Variants in SOX5 observed in about 807,000 individuals in gnomAD.
The protein encoded by SOX5 is SRY-box transcription factor 5.
SOX5 carries 9 observed loss-of-function variants against 92.0 expected under a neutral mutation model. That is an observed-to-expected ratio of 0.10 (90% CI 0.06 to 0.17). The LOEUF (loss-of-function observed/expected upper bound fraction) is 0.17. SOX5 is among the 10% of genes least tolerant of loss of function. The pLI is 1.00. For missense variants in SOX5, 642 were observed against 944.5 expected, an observed-to-expected ratio of 0.68 and a Z score of 4.20; for synonymous variants, 344 against 336.3, an observed-to-expected ratio of 1.02 and a Z score of -0.25.
chr12:24,267,919 T>G (rs1437630158), intron 3 of SOX5, among the ~76,000 whole-genome samples: 1 of 152,176 alleles, frequency 6.6e-6, no homozygotes, highest in African/African-American at 2.4e-5. Flanking sequence ...TTCTCACATA[T>G]TTTTAATCAA....
chr12:24,107,977 A>C (rs1946876031), intron 4 of SOX5, among the ~76,000 whole-genome samples: 1 of 152,216 alleles, frequency 6.6e-6, no homozygotes, highest in Admixed American at 6.5e-5. Flanking sequence ...AGCTTCAAAT[A>C]AAGTTTTAAA....
At chr12:24,198,852 G>T (rs1957255981) in intron 4 of SOX5, among the ~76,000 whole-genome samples, 1 of 151,616 alleles carries the variant, frequency 6.6e-6, no homozygotes, top group Non-Finnish European at 1.5e-5. Context: ...CAGAGGTTTG[G>T]GTGGGATAGA....
intron 4 of SOX5, among the ~76,000 whole-genome samples, chr12:24,158,358 T>A (rs1424571255): frequency 1.3e-5 from 2 of 152,030 alleles, no homozygotes; most frequent in East Asian, 3.9e-4. Context: ...GGAAATATTT[T>A]ACAAAATAAA....
chr12:24,249,041 T>C (rs948451061), intron 3 of SOX5, among the ~76,000 whole-genome samples: 1 of 152,232 alleles, frequency 6.6e-6, no homozygotes, highest in Non-Finnish European at 1.5e-5. Context: ...GATATATCGA[T>C]ACATCATGCC....
intron 4 of SOX5, among the ~76,000 whole-genome samples, chr12:24,071,894 C>A (rs574506187): frequency 1.3e-4 from 20 of 152,122 alleles, no homozygotes; most frequent in Non-Finnish European, 2.4e-4. Context: ...ATAGCATCTG[C>A]AGAAACAAAA....
At chr12:23,882,164 T>A (rs1371457889) in intron 2 of SOX5, among the ~76,000 whole-genome samples, 1 of 152,172 alleles carries the variant, frequency 6.6e-6, no homozygotes, top group Non-Finnish European at 1.5e-5. Flanking sequence ...AAAATCCACA[T>A]GTATTGTGGC....
chr12:23,567,363 T>C (rs2136444508), intron 10 of SOX5, among the ~76,000 whole-genome samples: 1 of 152,184 alleles, frequency 6.6e-6, no homozygotes, highest in South Asian at 2.1e-4. Context: ...AACTTCCAGT[T>C]AACATCTCAA....
chr12:23,881,747 G>A (rs2096992844), intron 2 of SOX5, among the ~76,000 whole-genome samples: 1 of 152,072 alleles, frequency 6.6e-6, no homozygotes, highest in South Asian at 2.1e-4. Flanking sequence ...GGCATTTTAG[G>A]TAAGGACATT....
At position 24,506,277 on chromosome 12, in the gene SOX5, A is replaced by T. The variant is rs1427513545; in HGVS notation, c.-251+56052T>A. On this transcript the variant is annotated intron_variant, in intron 1 of 4. Coordinates refer to the SOX5 transcript ENST00000446891. ...AATGTCCCCTTTTAAAACATTTTCC[A>T]CTTTTAACTATTACAAATACATGAA... Among the ~76,000 whole-genome samples the T allele has an allele frequency of 2.6e-5, 4 of 152,118 alleles. 1 individual carries two copies.
intron 3 of SOX5, among the ~76,000 whole-genome samples, chr12:23,830,257 A>G (rs1467694798): frequency 1.3e-5 from 2 of 152,220 alleles, no homozygotes; most frequent in Admixed American, 6.5e-5. Flanking sequence ...TAAAAAATAA[A>G]CTCTTTTCTT....
chr12:24,055,633 T>C (rs1460507479), intron 4 of SOX5, among the ~76,000 whole-genome samples: 1 of 152,102 alleles, frequency 6.6e-6, no homozygotes, highest in Non-Finnish European at 1.5e-5. Context: ...CAAAGACTGA[T>C]AAAAATGAAA....
Position 24,115,952 on chromosome 12 carries a change from C to G in SOX5, c.-2+97391G>C, listed in dbSNP as rs375563750. The stretch of plus-strand genomic sequence containing the variant: ...AAAGCCAAAGAAAAGGATAGGGATG[C>G]TAATATCTTCCTGTAGGAGAATAGA... On this transcript the variant is annotated intron_variant, in intron 4 of 4. Transcript: ENST00000446891. Among the ~76,000 whole-genome samples, 35 of 151,972 alleles carry G rather than the reference C, an allele frequency of 2.3e-4. No individual in the cohort carries two copies. The East Asian group carries it at 6.6e-3, about 29-fold the overall frequency.
chr12:24,012,407 G>A (rs79665461), intron 4 of SOX5, among the ~76,000 whole-genome samples: 2,772 of 152,134 alleles, frequency 0.018, 101 homozygotes, highest in African/African-American at 0.063. Flanking sequence ...CATATGACAC[G>A]GAAGTCCTAC....
At chr12:23,910,521 C>T (rs977861737) in intron 1 of SOX5, among the ~76,000 whole-genome samples, 4 of 152,108 alleles carry the variant, frequency 2.6e-5, no homozygotes, top group Non-Finnish European at 5.9e-5. Flanking sequence ...AGCCTAATCC[C>T]CCAAAGATAG....
rs201455508 is a variant in SOX5, at chr12:23,533,909, T to TA, written c.*309dup. The TA allele has an allele frequency of 0.025, 4,946 of 194,440 alleles. 1 individual carries two copies. The highest frequency in any genetic ancestry group is 0.046 in the East Asian group (382 of 8,308). 12.0% of individuals were successfully genotyped at this position (194,440 alleles called of 1,614,324 possible). ...AGAACAAACAGCCATAAAGTTTATTTAAAAAAAAAAAAAAGTTGACGGGTA... is the reference window on the plus strand; with the variant it reads ...AGAACAAACAGCCATAAAGTTTATTTAAAAAAAAAAAAAAAGTTGACGGGTA... On this transcript the variant is annotated 3_prime_UTR_variant, in exon 15 of 15. Coordinates refer to ENST00000451604, the MANE Select transcript of SOX5 (RefSeq NM_006940.6).
intron 8 of SOX5, among the ~76,000 whole-genome samples, chr12:23,618,586 C>G (rs1340593286): frequency 6.6e-6 from 1 of 152,100 alleles, no homozygotes; most frequent in African/African-American, 2.4e-5. Flanking sequence ...GTACAAGAAC[C>G]ACGATTTTCT....
intron 2 of SOX5, among the ~76,000 whole-genome samples, chr12:23,893,375 G>A (rs1178824140): frequency 6.6e-6 from 1 of 152,068 alleles, no homozygotes; most frequent in Non-Finnish European, 1.5e-5. Context: ...AAACCTAGTA[G>A]GTGGAGGTTG....
intron 3 of SOX5, among the ~76,000 whole-genome samples, chr12:24,255,376 A>C (rs1384163606): frequency 6.6e-6 from 1 of 152,188 alleles, no homozygotes; most frequent in East Asian, 1.9e-4. Flanking sequence ...ATAATTGAGA[A>C]TGTAGGCTGA....
chr12:24,170,848 T>C (rs989466666), intron 4 of SOX5, among the ~76,000 whole-genome samples: 1 of 152,228 alleles, frequency 6.6e-6, no homozygotes, highest in African/African-American at 2.4e-5. Flanking sequence ...GCCAAGCCAC[T>C]GCTGCACCTA....
Sources: allele counts gnomAD v4.1 joint callset (sites outside exome capture counted in the v4.1 genomes callset), GRCh38; gene constraint gnomAD v4.1.1; transcripts MANE v1.5; gene names NCBI Gene and HGNC (gene_info 2026-07-23, HGNC 2026-07-21).